The following TMC1 variants were observed in gnomAD, a reference collection of about 807,000 sequenced individuals.
TMC1 encodes transmembrane channel-like protein 1.
In TMC1, 84 loss-of-function variants were observed where a neutral mutation model predicts 105.8. The ratio of observed to expected loss-of-function variants is 0.79; its 90% CI spans 0.67 to 0.95. TMC1 has a LOEUF of 0.95. TMC1 is among the 40% of genes least tolerant of loss of function. The pLI is 0.00. For synonymous variants in TMC1, 315 were observed against 311.5 expected, an observed-to-expected ratio of 1.01 and a Z score of -0.12; for missense variants, 817 against 914.1, an observed-to-expected ratio of 0.89 and a Z score of 1.37.
chr9:72,790,343 T>TA (rs1828246705), intron 15 of TMC1, among the ~76,000 whole-genome samples: 1 of 152,176 alleles, frequency 6.6e-6, no homozygotes, highest in Admixed American at 6.5e-5. Flanking sequence ...TCAGAAGTGG[T>TA]ACCAATAGAG....
chr9:72,749,708 C>T (rs913893328), intron 10 of TMC1, among the ~76,000 whole-genome samples: 1 of 152,038 alleles, frequency 6.6e-6, no homozygotes, highest in African/African-American at 2.4e-5. Context: ...ATATTGACTT[C>T]AAAATCATTG....
At chr9:72,824,069 C>T (rs1235312055) in intron 20 of TMC1, among the ~76,000 whole-genome samples, 1 of 152,252 alleles carries the variant, frequency 6.6e-6, no homozygotes, top group African/African-American at 2.4e-5. Context: ...GTGCTTAACC[C>T]CTTGTGGGAG....
chr9:72,779,657 G>T (rs1403776778), intron 13 of TMC1, among the ~76,000 whole-genome samples: 1 of 152,118 alleles, frequency 6.6e-6, no homozygotes, highest in African/African-American at 2.4e-5. Context: ...GCTGAGGAAA[G>T]AATCTCAGAG....
At chr9:72,716,210 G>A (rs1826916198) in intron 8 of TMC1, among the ~76,000 whole-genome samples, 1 of 152,220 alleles carries the variant, frequency 6.6e-6, no homozygotes, top group Non-Finnish European at 1.5e-5. Flanking sequence ...CCTACTGGGA[G>A]GTGTTTCCCA....
At chr9:72,764,311 C>A (rs919850867) in intron 12 of TMC1, among the ~76,000 whole-genome samples, 1 of 152,190 alleles carries the variant, frequency 6.6e-6, no homozygotes, top group African/African-American at 2.4e-5. Context: ...AAGCTTCACT[C>A]TGAATATTTT....
Position 72,837,658 on chromosome 9 carries a change from CTTG to C in TMC1, c.*1690_*1692del, listed in dbSNP as rs1829146869. On this transcript the variant is annotated 3_prime_UTR_variant, in exon 24 of 24. Coordinates refer to ENST00000297784, the MANE Select transcript of TMC1 (RefSeq NM_138691.3). ...AGTAACACTCAGTGCCCTCACTAGC[CTTG>C]TTGTGCGACTTTAATTGCATAGCTT... 1 of 152,206 alleles carries C rather than the reference CTTG, an allele frequency of 6.6e-6. No individual in the cohort carries two copies. The highest frequency in any genetic ancestry group is 6.5e-5 in the Admixed American group (1 of 15,278). The allele number at this position is 152,206 out of a possible 1,614,324, so 9.4% of individuals were successfully genotyped here.
chr9:72,679,425 TAAAC>T (rs1171617567), intron 5 of TMC1, among the ~76,000 whole-genome samples: 1 of 152,112 alleles, frequency 6.6e-6, no homozygotes, highest in East Asian at 1.9e-4. Flanking sequence ...TGGCTTCACT[TAAAC>T]AAGAGCATTT....
chr9:72,606,634 T>G (rs2132115976), intron 2 of TMC1, among the ~76,000 whole-genome samples: 1 of 152,276 alleles, frequency 6.6e-6, no homozygotes, highest in African/African-American at 2.4e-5. Context: ...AGGAATTATT[T>G]TTTCTTGGAT....
chr9:72,622,315 T>C (rs537711340), intron 3 of TMC1, among the ~76,000 whole-genome samples: 31 of 152,316 alleles, frequency 2.0e-4, no homozygotes, highest in Admixed American at 7.9e-4. Context: ...CCAGTGATGA[T>C]AGATTGCTTT....
chr9:72,751,793 T>TTTTG lies in TMC1; in HGVS notation c.536-44_536-41dup, dbSNP rs535224088. 6.4e-3 allele frequency: 7,304 copies of TTTTG among 1,148,730 alleles called. 78 individuals are homozygous for TTTTG. The highest frequency in any genetic ancestry group is 0.014 in the Middle Eastern group (71 of 5,134). 71.2% of individuals were successfully genotyped at this position (1,148,730 alleles called of 1,614,324 possible). A position where few individuals can be genotyped will look rare whatever the true frequency, so the allele number is the denominator to read the frequency against. ...TTGAAGGCAACCAAGACAAAGCTCT[T>TTTTG]TTTGTTTGTTTGTTTGCTTTGATCT... On this transcript the variant is annotated intron_variant, in intron 10 of 23. Transcript: ENST00000297784.
At chr9:72,737,412 G>A (rs922924399) in intron 8 of TMC1, among the ~76,000 whole-genome samples, 1 of 152,140 alleles carries the variant, frequency 6.6e-6, no homozygotes, top group African/African-American at 2.4e-5. Context: ...GCAGGGGTGC[G>A]ATTGCCTGAC....
intron 18 of TMC1, among the ~76,000 whole-genome samples, chr9:72,810,136 TAA>T (rs36058524): frequency 3.4e-4 from 37 of 107,956 alleles, no homozygotes; most frequent in Admixed American, 6.0e-4. Flanking sequence ...AGGCATAGAT[TAA>T]AAAAAAAAAA....
chr9:72,549,976 G>C (rs1285857130), intron 1 of TMC1, among the ~76,000 whole-genome samples: 1 of 151,614 alleles, frequency 6.6e-6, no homozygotes, highest in East Asian at 2.0e-4. Flanking sequence ...TCGAGCTCCG[G>C]ACCTCAGGCC....
intron 13 of TMC1, 125 bp downstream of exon 13, chr9:72,772,680 A>G: frequency 2.3e-6 from 3 of 1,299,966 alleles, no homozygotes; most frequent in Non-Finnish European, 3.3e-6. Context: ...TCTGTAAGAG[A>G]TGAAATGTAG....
chr9:72,728,310 T>C (rs1469517845), intron 8 of TMC1, among the ~76,000 whole-genome samples: 1 of 152,148 alleles, frequency 6.6e-6, no homozygotes, highest in Non-Finnish European at 1.5e-5. Flanking sequence ...ATAAGGACTA[T>C]TTAGTAAAGC....
rs977381666 is a variant in TMC1, at chr9:72,694,332, G to A, written c.65-211G>A. On this transcript the variant is annotated intron_variant, in intron 6 of 23. Transcript: ENST00000297784. ...GAATCCACATTCACCTATTTGAGTC[G>A]GTGAACCACAATGGAAATGGAAATC... Among the ~76,000 whole-genome samples, 10 of 152,184 alleles carry A rather than the reference G, an allele frequency of 6.6e-5. No homozygotes were observed. In the South Asian group the frequency reaches 1.5e-3, roughly 22 times the overall value.
chr9:72,658,555 T>C (rs1825920059), intron 5 of TMC1, among the ~76,000 whole-genome samples: 1 of 152,240 alleles, frequency 6.6e-6, no homozygotes. Flanking sequence ...TAGACAACTT[T>C]TGCTAAACGT....
At chr9:72,617,837 G>A (rs72731181) in intron 3 of TMC1, among the ~76,000 whole-genome samples, 11,529 of 151,768 alleles carry the variant, frequency 0.076, 570 homozygotes, top group Non-Finnish European at 0.12. Flanking sequence ...TCCAGGAAGC[G>A]CTGTTAAGTG....
chr9:72,710,074 AT>A (rs1826811393), intron 8 of TMC1, among the ~76,000 whole-genome samples: 1 of 152,052 alleles, frequency 6.6e-6, no homozygotes, highest in African/African-American at 2.4e-5. Context: ...AGTTCAAAGA[AT>A]TTTTTCATTT....
Sources: allele counts gnomAD v4.1 joint callset (sites outside exome capture counted in the v4.1 genomes callset), GRCh38; gene constraint gnomAD v4.1.1; transcripts MANE v1.5; gene names NCBI Gene and HGNC (gene_info 2026-07-23, HGNC 2026-07-21).